The following ZFHX3 variants were observed in gnomAD, a reference collection of about 807,000 sequenced individuals.
ZFHX3 encodes the protein zinc finger homeobox 3, also known as zinc finger homeobox protein 3.
In ZFHX3, 42 loss-of-function variants were observed where a neutral mutation model predicts 279.1. That is an observed-to-expected ratio of 0.15 (90% CI 0.12 to 0.19). The LOEUF is 0.19. ZFHX3 is among the 10% of genes least tolerant of loss of function. The pLI, the probability that ZFHX3 is intolerant of heterozygous loss-of-function variation, is 1.00. For synonymous variants in ZFHX3, 2,293 were observed against 1,957.8 expected, an observed-to-expected ratio of 1.17 and a Z score of -4.52; for missense variants, 4,981 against 4,754.0, an observed-to-expected ratio of 1.05 and a Z score of -1.40.
At chr16:73,070,710 G>GTGTC (rs5817830) in intron 8 of ZFHX3, among the ~76,000 whole-genome samples, 1 of 148,090 alleles carries the variant, frequency 6.8e-6, no homozygotes, top group Non-Finnish European at 1.5e-5. Context: ...TGACATCATT[G>GTGTC]TCTCTCTCTC....
intron 1 of ZFHX3, among the ~76,000 whole-genome samples, chr16:73,007,741 G>C (rs866754876): frequency 1.3e-5 from 2 of 152,052 alleles, no homozygotes; most frequent in African/African-American, 4.8e-5. Flanking sequence ...GAGCCACCGC[G>C]CAAGGCCAGA....
intron 4 of ZFHX3, among the ~76,000 whole-genome samples, chr16:73,266,476 G>C (rs948869765): frequency 2.6e-5 from 4 of 152,248 alleles, no homozygotes; most frequent in Admixed American, 2.6e-4. Context: ...ATGACGAGAG[G>C]TGTTAGCATC....
chr16:73,592,307 G>A (rs186335454), intron 2 of ZFHX3, among the ~76,000 whole-genome samples: 75 of 152,162 alleles, frequency 4.9e-4, no homozygotes, highest in Non-Finnish European at 9.6e-4. Flanking sequence ...TACTCAGATG[G>A]TTGCAAATAA....
rs1011454874 is a variant in ZFHX3, at chr16:72,960,128, C to A, written c.18G>T (p.Ser6=). ...CATTGTCCTTCCCCGAGACGACGGG[C>A]GAGTCACAGCCTTCCATGGTAAGGC... MEGCD[S]PVVSGKDNGC... The change falls in exon 2 of 10, where the codon TCG becomes TCT. Residue 6 remains serine (S), a synonymous_variant. Coordinates refer to ENST00000268489, the MANE Select transcript of ZFHX3 (RefSeq NM_006885.4). 4.4e-6 allele frequency: 7 copies of A among 1,581,578 alleles called. No individual in the cohort carries two copies. In the Admixed American group the frequency reaches 1.1e-4, roughly 24 times the overall value.
At chr16:73,777,259 T>C (rs977599139) in intron 1 of ZFHX3, among the ~76,000 whole-genome samples, 2 of 152,028 alleles carry the variant, frequency 1.3e-5, no homozygotes. Flanking sequence ...ATCCCAGCAC[T>C]TTAGGAGGCC....
At chr16:73,112,892 A>G (rs1230800734) in intron 7 of ZFHX3, among the ~76,000 whole-genome samples, 1 of 152,012 alleles carries the variant, frequency 6.6e-6, no homozygotes, top group Non-Finnish European at 1.5e-5. Context: ...GAGCGGCTGC[A>G]CAGCCCCATC....
chr16:73,406,706 G>T (rs2017367095), intron 3 of ZFHX3, among the ~76,000 whole-genome samples: 1 of 152,222 alleles, frequency 6.6e-6, no homozygotes, highest in Admixed American at 6.5e-5. Context: ...TGAGTGCTCA[G>T]AAGATGTTAC....
chr16:73,325,912 CACACACACACACACAA>C (rs1292556863), intron 3 of ZFHX3, among the ~76,000 whole-genome samples: 1 of 112,054 alleles, frequency 8.9e-6, no homozygotes, highest in Non-Finnish European at 2.0e-5. Context: ...AACACACACA[CACACACACACACACAA>C]ACACACACAC....
chr16:73,710,734 G>T (rs1434095603), intron 1 of ZFHX3, among the ~76,000 whole-genome samples: 1 of 152,018 alleles, frequency 6.6e-6, no homozygotes, highest in Non-Finnish European at 1.5e-5. Context: ...TCAGTAACTG[G>T]GCATCAAACA....
intron 3 of ZFHX3, among the ~76,000 whole-genome samples, chr16:73,399,837 G>GGTGT (rs4011546): frequency 0.21 from 31,102 of 148,080 alleles, 3,364 homozygotes; most frequent in East Asian, 0.35. Flanking sequence ...TGTGGTGTGT[G>GGTGT]GTGTGTGTGT....
intron 4 of ZFHX3, among the ~76,000 whole-genome samples, chr16:72,864,719 T>G (rs1440870380): frequency 6.6e-6 from 1 of 152,152 alleles, no homozygotes; most frequent in Non-Finnish European, 1.5e-5. Flanking sequence ...TACTGGCACA[T>G]CAGGACCACC....
At chr16:73,116,095 G>A (rs1966429650) in intron 7 of ZFHX3, among the ~76,000 whole-genome samples, 1 of 151,112 alleles carries the variant, frequency 6.6e-6, no homozygotes, top group Admixed American at 6.6e-5. Context: ...ACTCCAGCCT[G>A]GGCAACAAGA....
chr16:72,884,304 C>T (rs905201043), intron 4 of ZFHX3, among the ~76,000 whole-genome samples: 4 of 152,124 alleles, frequency 2.6e-5, no homozygotes, highest in Non-Finnish European at 5.9e-5. Flanking sequence ...CTATGAATGC[C>T]AAAGACGTAT....
At chr16:73,865,034 A>G (rs1441331825) in intron 1 of ZFHX3, among the ~76,000 whole-genome samples, 5 of 152,244 alleles carry the variant, frequency 3.3e-5, no homozygotes, top group African/African-American at 1.2e-4. Context: ...CATCTCTGAC[A>G]TCATGTCAAC....
intron 1 of ZFHX3, chr16:73,813,802 G>C (rs932602495): frequency 1.3e-5 from 2 of 152,200 alleles, no homozygotes; most frequent in East Asian, 1.9e-4. Flanking sequence ...ACTCCTTCCC[G>C]GAGCGGAGAC....
chr16:73,198,917 T>C (rs1410622512), intron 5 of ZFHX3, among the ~76,000 whole-genome samples: 1 of 152,066 alleles, frequency 6.6e-6, no homozygotes, highest in Non-Finnish European at 1.5e-5. Context: ...AAGCAAACCA[T>C]CAACATCAAA....
chr16:72,988,848 G>C (rs533374979), intron 1 of ZFHX3, among the ~76,000 whole-genome samples: 5 of 152,210 alleles, frequency 3.3e-5, no homozygotes, highest in African/African-American at 1.2e-4. Context: ...TAATACTGAT[G>C]GCATCATCTT....
chr16:73,173,256 C>T (rs1967581960), intron 5 of ZFHX3, among the ~76,000 whole-genome samples: 1 of 152,010 alleles, frequency 6.6e-6, no homozygotes, highest in South Asian at 2.1e-4. Context: ...GCCTCATTAC[C>T]TCACACTGAA....
intron 1 of ZFHX3, among the ~76,000 whole-genome samples, chr16:72,995,596 C>T (rs1306969838): frequency 1.3e-5 from 2 of 152,194 alleles, no homozygotes; most frequent in African/African-American, 4.8e-5. Context: ...AACACAAAGG[C>T]TGTCAGTCCT....
Sources: gnomAD v4.1 joint callset for allele counts (sites outside exome capture counted in the v4.1 genomes callset) on GRCh38, gnomAD v4.1.1 for gene constraint, MANE v1.5 for transcripts, NCBI Gene and HGNC (gene_info 2026-07-23, HGNC 2026-07-21) for gene names.